The following ASIC2 variants were observed in gnomAD, a reference collection of about 807,000 sequenced individuals.
ASIC2 encodes acid-sensing ion channel 2.
In ASIC2, 25 loss-of-function variants were observed where a neutral mutation model predicts 57.3. The observed-to-expected ratio is 0.44, with a 90% CI of 0.32 to 0.61. ASIC2 has a LOEUF of 0.61. ASIC2 is among the 20% of genes least tolerant of loss of function. The probability of loss-of-function intolerance (pLI) is 0.06; values close to 1 mark genes in which losing one functional copy is unlikely to be tolerated. For synonymous variants in ASIC2, 319 were observed against 307.5 expected, an observed-to-expected ratio of 1.04 and a Z score of -0.39; for missense variants, 641 against 738.1, an observed-to-expected ratio of 0.87 and a Z score of 1.52.
chr17:33,397,014 G>A (rs1397041348), intron 1 of ASIC2, among the ~76,000 whole-genome samples: 1 of 152,220 alleles, frequency 6.6e-6, no homozygotes, highest in Non-Finnish European at 1.5e-5. Flanking sequence ...CAGCACAAAT[G>A]TCATCAAACA....
intron 1 of ASIC2, among the ~76,000 whole-genome samples, chr17:33,300,091 T>C (rs968529043): frequency 2.0e-5 from 3 of 152,144 alleles, no homozygotes; most frequent in African/African-American, 7.2e-5. Flanking sequence ...AAAGAGTATC[T>C]AGTAAAAAGT....
intron 1 of ASIC2, among the ~76,000 whole-genome samples, chr17:33,644,023 T>A (rs1437411949): frequency 1.3e-5 from 2 of 152,192 alleles, no homozygotes; most frequent in East Asian, 3.8e-4. Context: ...CTCCTATTCA[T>A]GTCTAATTCA....
chr17:34,147,284 T>C (rs1912446302), intron 1 of ASIC2, among the ~76,000 whole-genome samples: 1 of 152,188 alleles, frequency 6.6e-6, no homozygotes, highest in South Asian at 2.1e-4. Context: ...TTCCCAAAGG[T>C]TGTGCAACTA....
At chr17:33,381,252 A>G (rs1449728865) in intron 1 of ASIC2, among the ~76,000 whole-genome samples, 1 of 152,218 alleles carries the variant, frequency 6.6e-6, no homozygotes, top group East Asian at 1.9e-4. Context: ...CATGGCAGGA[A>G]CTCTCCTTTT....
At chr17:33,564,857 A>G (rs1916184778) in intron 1 of ASIC2, among the ~76,000 whole-genome samples, 1 of 152,252 alleles carries the variant, frequency 6.6e-6, no homozygotes. Flanking sequence ...AAACAATAGC[A>G]TGGGTGATCT....
At chr17:33,303,189 C>G (rs191401328) in intron 1 of ASIC2, among the ~76,000 whole-genome samples, 1 of 152,238 alleles carries the variant, frequency 6.6e-6, no homozygotes, top group Non-Finnish European at 1.5e-5. Context: ...AAAAGCAGAA[C>G]ACCCAGAGTT....
At chr17:33,088,765 C>T in intron 3 of ASIC2, 98 bp downstream of exon 3, 1 of 1,439,096 alleles carries the variant, frequency 6.9e-7, no homozygotes, top group Admixed American at 2.7e-5. Context: ...CACAGTAAAG[C>T]CCTTGACCGA....
chr17:33,878,758 G>T lies in ASIC2; in HGVS notation c.555+277220C>A, dbSNP rs55739652. Among the ~76,000 whole-genome samples, 594 of 152,232 alleles carry T rather than the reference G, an allele frequency of 3.9e-3. 2 individuals are homozygous for T. The highest frequency in any genetic ancestry group is 7.3e-3 in the Non-Finnish European group (494 of 68,018). The stretch of plus-strand genomic sequence containing the variant: ...TTCACATTCAGGAAATACAGAGAAT[G>T]CCACAAAGATACTCCTCGAGAAGAG... On this transcript the variant is annotated intron_variant, in intron 1 of 9. Transcript: ENST00000359872.
intron 1 of ASIC2, among the ~76,000 whole-genome samples, chr17:34,077,955 T>G (rs961708989): frequency 6.6e-6 from 1 of 152,096 alleles, no homozygotes. Context: ...CTCCAGGACA[T>G]CCTGGGTTAA....
intron 1 of ASIC2, among the ~76,000 whole-genome samples, chr17:33,809,053 A>G (rs780195706): frequency 6.6e-6 from 1 of 152,102 alleles, no homozygotes; most frequent in Non-Finnish European, 1.5e-5. Context: ...GTTCTCTGCT[A>G]CTCTGGGATC....
chr17:33,228,495 C>A (rs943007692), intron 1 of ASIC2, among the ~76,000 whole-genome samples: 1 of 152,354 alleles, frequency 6.6e-6, no homozygotes, highest in Non-Finnish European at 1.5e-5. Flanking sequence ...GCGCATGGCA[C>A]GTCCATGTGG....
At chr17:33,479,798 G>A (rs1207704955) in intron 1 of ASIC2, among the ~76,000 whole-genome samples, 2 of 152,228 alleles carry the variant, frequency 1.3e-5, no homozygotes, top group African/African-American at 4.8e-5. Flanking sequence ...TCTGAGCAAG[G>A]CCCTGTGCCC....
At chr17:33,614,742 C>T (rs936522362) in intron 1 of ASIC2, among the ~76,000 whole-genome samples, 1 of 152,224 alleles carries the variant, frequency 6.6e-6, no homozygotes, top group Non-Finnish European at 1.5e-5. Context: ...TTTAAACACA[C>T]ACCCACATGC....
intron 1 of ASIC2, among the ~76,000 whole-genome samples, chr17:33,608,016 C>T (rs1905271755): frequency 6.6e-6 from 1 of 152,104 alleles, no homozygotes; most frequent in Non-Finnish European, 1.5e-5. Context: ...ATGGGGCTTA[C>T]TCCATGCAAC....
intron 1 of ASIC2, among the ~76,000 whole-genome samples, chr17:33,131,985 T>C (rs1354096013): frequency 6.6e-6 from 1 of 152,002 alleles, no homozygotes; most frequent in Non-Finnish European, 1.5e-5. Context: ...GAAAACCATC[T>C]CCCAAGCATC....
At chr17:33,947,949 C>T (rs1904436763) in intron 1 of ASIC2, among the ~76,000 whole-genome samples, 1 of 152,184 alleles carries the variant, frequency 6.6e-6, no homozygotes. Flanking sequence ...TGATTTATCT[C>T]TCCTTGATCT....
intron 1 of ASIC2, among the ~76,000 whole-genome samples, chr17:33,695,301 A>G (rs10512452): frequency 0.27 from 40,870 of 152,012 alleles, 5,604 homozygotes; most frequent in African/African-American, 0.31. Flanking sequence ...TCATTTAAAA[A>G]TATGGTGGTA....
chr17:33,484,119 C>T lies in ASIC2; in HGVS notation c.556-372052G>A, dbSNP rs140610817. 2.2e-3 allele frequency among the ~76,000 whole-genome samples: 332 copies of T among 152,330 alleles called. 1 individual carries two copies. Among genetic ancestry groups the T allele is most frequent in the African/African-American group, 7.7e-3 (319 of 41,586 alleles). On this transcript the variant is annotated intron_variant, in intron 1 of 9. Transcript: ENST00000359872. ...TGCTAATGATGTCTTAACTTTAGCCCAGTTAATCTGATTTCAGACTTCTGA... is the reference window on the plus strand; with the variant it reads ...TGCTAATGATGTCTTAACTTTAGCCTAGTTAATCTGATTTCAGACTTCTGA...
intron 1 of ASIC2, among the ~76,000 whole-genome samples, chr17:33,162,818 C>T (rs1905198930): frequency 6.6e-6 from 1 of 152,216 alleles, no homozygotes; most frequent in Non-Finnish European, 1.5e-5. Context: ...TTCCTGGTAG[C>T]AGCTCCCCTG....
Sources: allele counts gnomAD v4.1 joint callset (sites outside exome capture counted in the v4.1 genomes callset), GRCh38; gene constraint gnomAD v4.1.1; transcripts MANE v1.5; gene names NCBI Gene and HGNC (gene_info 2026-07-23, HGNC 2026-07-21).